The following KMT5A variants were observed in gnomAD, a reference collection of about 807,000 sequenced individuals.
The protein encoded by KMT5A is N-lysine methyltransferase KMT5A.
In KMT5A, 6 loss-of-function variants were observed where a neutral mutation model predicts 40.6. The observed-to-expected ratio is 0.15, with a 90% CI of 0.08 to 0.29. The LOEUF (loss-of-function observed/expected upper bound fraction) is 0.29, where lower values mean the gene tolerates loss of function less well. KMT5A is among the 10% of genes least tolerant of loss of function. The pLI is 1.00. For synonymous variants in KMT5A, 153 were observed against 178.8 expected (o/e 0.86, Z 1.15); for missense variants, 308 against 459.1 (o/e 0.67, Z 3.01).
At chr12:123,407,429 ACT>A (rs1261895592) in intron 7 of KMT5A, 62 bp from the exon 8 acceptor site, 21 of 1,467,024 alleles carry the variant, frequency 1.4e-5, no homozygotes, top group East Asian at 6.8e-5. Flanking sequence ...CACAAGTGTG[ACT>A]CTCTTCAGGT....
Position 123,408,316 on chromosome 12 carries a change from A to G in KMT5A, c.*613A>G, listed in dbSNP as rs1162404681. ...GGGCCGGGCATAGATTTCCTCTTCCACAAGCTGCCGCTTTTCTGGGCACCT... is the reference window on the plus strand; with the variant it reads ...GGGCCGGGCATAGATTTCCTCTTCCGCAAGCTGCCGCTTTTCTGGGCACCT... On this transcript the variant is annotated 3_prime_UTR_variant, in exon 8 of 8. Transcript: ENST00000402868. 1 of 152,564 alleles carries G rather than the reference A, an allele frequency of 6.6e-6. No individual in the cohort carries two copies. Among genetic ancestry groups the G allele is most frequent in the Admixed American group, 6.6e-5 (1 of 15,258 alleles). 9.5% of individuals were successfully genotyped at this position (152,564 alleles called of 1,614,324 possible). A position where few individuals can be genotyped will look rare whatever the true frequency, so the allele number is the denominator to read the frequency against.
chr12:123,385,554 A>G (rs942307165), intron 1 of KMT5A, among the ~76,000 whole-genome samples: 1 of 152,176 alleles, frequency 6.6e-6, no homozygotes, highest in African/African-American at 2.4e-5. Context: ...TTAAAATATG[A>G]CTAAATAATA....
chr12:123,401,144 C>CTTTTTTTTTT (rs58431238), intron 5 of KMT5A, among the ~76,000 whole-genome samples: 13 of 75,678 alleles, frequency 1.7e-4, no homozygotes, highest in South Asian at 5.2e-4. Context: ...ATATATCTTT[C>CTTTTTTTTTT]TTTTTTTTTT....
intron 2 of KMT5A, 62 bp from the exon 3 acceptor site, chr12:123,390,568 T>C: frequency 6.4e-7 from 1 of 1,568,408 alleles, no homozygotes; most frequent in South Asian, 1.2e-5. Flanking sequence ...TTCCTCCTCC[T>C]CGTGAATGCT....
chr12:123,390,162 G>C (rs1220903112), intron 2 of KMT5A: 8 of 464,526 alleles, frequency 1.7e-5, no homozygotes, highest in Admixed American at 2.4e-5. Context: ...TCAGGCTCCG[G>C]CGCTCATGGG....
At chr12:123,397,873 A>G (rs114675077) in intron 5 of KMT5A, among the ~76,000 whole-genome samples, 11,661 of 150,994 alleles carry the variant, frequency 0.077, 1,233 homozygotes, top group African/African-American at 0.24. Flanking sequence ...GGATTTGTCC[A>G]TGTTGGTCAG....
intron 6 of KMT5A, 29 bp downstream of exon 6, chr12:123,403,661 T>C (rs1416864832): frequency 1.9e-6 from 3 of 1,613,928 alleles, no homozygotes; most frequent in Admixed American, 3.3e-5. Flanking sequence ...TGCTGCATCA[T>C]AGCTAAAGCT....
chr12:123,400,463 C>G (rs891086578), intron 5 of KMT5A, among the ~76,000 whole-genome samples: 7 of 148,280 alleles, frequency 4.7e-5, no homozygotes, highest in Non-Finnish European at 7.4e-5. Context: ...CAGGTTCAAG[C>G]AATTCTCCTG....
chr12:123,387,563 A>C (rs922647756), intron 1 of KMT5A, among the ~76,000 whole-genome samples: 14 of 152,228 alleles, frequency 9.2e-5, no homozygotes, highest in African/African-American at 3.4e-4. Context: ...CAACTGTAGT[A>C]GGCTCTGCAG....
intron 3 of KMT5A, among the ~76,000 whole-genome samples, chr12:123,394,520 G>A (rs1055029926): frequency 6.6e-6 from 1 of 152,140 alleles, no homozygotes; most frequent in Non-Finnish European, 1.5e-5. Flanking sequence ...CCGATACCCA[G>A]GCCAGTCTGC....
chr12:123,390,780 C>G lies in KMT5A; in HGVS notation c.283C>G (p.Arg95Gly). The G allele has an allele frequency of 6.2e-7, 1 of 1,613,456 alleles. No individual in the cohort carries two copies. Among genetic ancestry groups the G allele is most frequent in the Non-Finnish European group, 8.5e-7 (1 of 1,179,664 alleles). ...GKPLAGIYRK[R>G]EEKRNAGNAV... is the part of the protein sequence containing the mutation. ...ACCATTAGCCGGAATCTACAGGAAA[C>G]GAGAAGGTAAGCTTTTGAAATGGCC... The change falls in exon 3 of 8, where the codon CGA (arginine) becomes GGA (glycine). Residue 95 changes from arginine to glycine, a missense_variant. Transcript: ENST00000402868.
intron 5 of KMT5A, 66 bp downstream of exon 5, chr12:123,396,498 T>G: frequency 2.2e-6 from 3 of 1,369,742 alleles, no homozygotes; most frequent in Non-Finnish European, 3.1e-6. Context: ...GTGCTTGGCG[T>G]GTGCGTATGT....
chr12:123,393,755 T>G (rs1877483101), intron 3 of KMT5A, among the ~76,000 whole-genome samples: 1 of 152,190 alleles, frequency 6.6e-6, no homozygotes, highest in African/African-American at 2.4e-5. Context: ...TTGGCCAGGC[T>G]GGTCTCGAAC....
chr12:123,399,205 AT>A (rs1877965870), intron 5 of KMT5A, among the ~76,000 whole-genome samples: 1 of 152,218 alleles, frequency 6.6e-6, no homozygotes, highest in Non-Finnish European at 1.5e-5. Flanking sequence ...CAGCCTGCTG[AT>A]TCCGCTTGGG....
intron 2 of KMT5A, 102 bp downstream of exon 2, chr12:123,389,656 C>T (rs747257009): frequency 2.3e-6 from 2 of 886,728 alleles, no homozygotes; most frequent in African/African-American, 1.8e-5. Flanking sequence ...CCGGCCGGGC[C>T]GCTTCCTTTG....
At chr12:123,405,115 G>T (rs1878438617) in intron 7 of KMT5A, 41 bp downstream of exon 7, 1 of 1,549,134 alleles carries the variant, frequency 6.5e-7, no homozygotes, top group African/African-American at 1.4e-5. Flanking sequence ...CTGTCCTCTG[G>T]GCAGTGAGGA....
At position 123,389,567 on chromosome 12, in the gene KMT5A, C is replaced by A; in HGVS notation, c.132+13C>A. On this transcript the variant is annotated intron_variant, in intron 2 of 7. Coordinates refer to ENST00000402868, the MANE Select transcript of KMT5A (RefSeq NM_020382.7). ...CCGCACCGACGGGGTAAGCAGGCACCCTCCCCGCACCCCTGCGGCGCGCCC... is the reference window on the plus strand; with the variant it reads ...CCGCACCGACGGGGTAAGCAGGCACACTCCCCGCACCCCTGCGGCGCGCCC... 1 of 1,080,868 alleles carries A rather than the reference C, an allele frequency of 9.3e-7. No individual in the cohort carries two copies. The highest frequency in any genetic ancestry group is 1.1e-6 in the Non-Finnish European group (1 of 892,502). 67.0% of individuals were successfully genotyped at this position (1,080,868 alleles called of 1,614,324 possible).
intron 1 of KMT5A, 118 bp from the exon 2 acceptor site, chr12:123,389,315 T>C: frequency 3.0e-6 from 2 of 661,876 alleles, no homozygotes; most frequent in Non-Finnish European, 3.7e-6. Context: ...AGCCGGGGCC[T>C]CGAAATATGG....
At chr12:123,394,952 T>C (rs1877580128) in intron 3 of KMT5A, 95 bp from the exon 4 acceptor site, 2 of 1,175,454 alleles carry the variant, frequency 1.7e-6, no homozygotes, top group Admixed American at 2.2e-5. Context: ...CCCAGGATCC[T>C]GTCTTCTCAA....
Sources: allele counts gnomAD v4.1 joint callset (sites outside exome capture counted in the v4.1 genomes callset), GRCh38; gene constraint gnomAD v4.1.1; transcripts MANE v1.5; gene names NCBI Gene and HGNC (gene_info 2026-07-23, HGNC 2026-07-21).